The following ARHGAP23 variants were observed in gnomAD, a reference collection of about 807,000 sequenced individuals.
The protein encoded by ARHGAP23 is Rho GTPase activating protein 23, also known as rho GTPase-activating protein 23.
ARHGAP23 carries 34 observed loss-of-function variants against 136.3 expected under a neutral mutation model. The ratio of observed to expected loss-of-function variants is 0.25; its 90% CI spans 0.19 to 0.33. The LOEUF (loss-of-function observed/expected upper bound fraction) is 0.33. Among genes scored for constraint, ARHGAP23 ranks in the 10% least tolerant of loss-of-function variants. The pLI, the probability that ARHGAP23 is intolerant of heterozygous loss-of-function variation, is 1.00. For synonymous variants in ARHGAP23, 832 were observed against 920.5 expected (o/e 0.90, Z 1.74); for missense variants, 1,808 against 2,139.0 (o/e 0.85, Z 3.05).
In ARHGAP23 at chr17:38,469,613, C is replaced by T. The variant is rs1478689591; in HGVS notation, c.1894C>T (p.Arg632Cys). The T allele has an allele frequency of 2.2e-5, 34 of 1,548,688 alleles. No homozygotes were observed. The highest frequency in any genetic ancestry group is 2.8e-5 in the Non-Finnish European group (32 of 1,146,734). The change falls in exon 9 of 24, where the codon CGC (arginine) becomes TGC (cysteine). Residue 632 changes from arginine to cysteine, a missense_variant. Physicochemically the swap from Arg to Cys is radical, Grantham distance 180 (BLOSUM62 -3). This residue lies in a region of ARHGAP23 where 859 missense variants were observed against 936.4 expected (regional missense o/e 0.92). Transcript: ENST00000622683. ...CTGCGATGATGGACTCAACACCTTC[C>T]GCGACGAGGGCCGGGTTCTGCGGTG... The part of the protein sequence containing the change: ...KSCDDGLNTF[R>C]DEGRVLRRLP...
At chr17:38,479,206 G>A (rs2039972034) in intron 12 of ARHGAP23, among the ~76,000 whole-genome samples, 1 of 152,168 alleles carries the variant, frequency 6.6e-6, no homozygotes, top group South Asian at 2.1e-4. Flanking sequence ...TTCCCTGTTA[G>A]CCCCCCATGT....
intron 1 of ARHGAP23, among the ~76,000 whole-genome samples, chr17:38,443,621 G>C (rs932880243): frequency 1.4e-5 from 2 of 140,174 alleles, no homozygotes; most frequent in African/African-American, 5.2e-5. Flanking sequence ...GAGTGGTTCA[G>C]TTCATAGGCA....
chr17:38,501,917 A>G (rs1177810964), intron 23 of ARHGAP23, among the ~76,000 whole-genome samples: 1 of 150,922 alleles, frequency 6.6e-6, no homozygotes, highest in Non-Finnish European at 1.5e-5. Context: ...TTAAATATTG[A>G]TATATTTAAA....
At position 38,508,918 on chromosome 17, in the gene ARHGAP23, G is replaced by A. The variant is rs117738253; in HGVS notation, c.3448-1026G>A. Among the ~76,000 whole-genome samples, 53 of 152,134 alleles carry A rather than the reference G, an allele frequency of 3.5e-4. No individual in the cohort carries two copies. In the East Asian group the frequency reaches 7.4e-3, roughly 21 times the overall value. ...GCTCAAGTGAGTGTGGTGTTGGACA[G>A]GGAGGCCTGGATAGCAGCGCTGCTT... is the stretch of plus-strand genomic sequence containing the variant. On this transcript the variant is annotated intron_variant, in intron 23 of 23. Transcript: ENST00000622683.
chr17:38,496,535 C>T (rs374218479), intron 20 of ARHGAP23, among the ~76,000 whole-genome samples: 4 of 152,088 alleles, frequency 2.6e-5, no homozygotes, highest in African/African-American at 7.2e-5. Context: ...TGGAGCTTGC[C>T]GAAGGTCATC....
intron 12 of ARHGAP23, among the ~76,000 whole-genome samples, 197 bp downstream of exon 12, chr17:38,478,093 G>A (rs1382000072): frequency 2.0e-5 from 3 of 152,202 alleles, no homozygotes; most frequent in East Asian, 1.9e-4. Flanking sequence ...GGGACCTGGC[G>A]TCCTCAGGTG....
intron 11 of ARHGAP23, among the ~76,000 whole-genome samples, chr17:38,473,400 T>C (rs188823141): frequency 2.2e-4 from 33 of 152,202 alleles, no homozygotes; most frequent in South Asian, 1.0e-3. Flanking sequence ...TTACCTTCCC[T>C]GAGCCTCACT....
At position 38,459,123 on chromosome 17, in the gene ARHGAP23, C is replaced by T. The variant is rs141309819; in HGVS notation, c.225+860C>T. Among the ~76,000 whole-genome samples, 244 of 152,300 alleles carry T rather than the reference C, an allele frequency of 1.6e-3. 1 individual carries two copies. The highest frequency in any genetic ancestry group is 5.5e-3 in the African/African-American group (228 of 41,562). ...CACTTCTTTTCCAGCAGGGAGGAGACACTGATTTTGCAGTGAATGAACCCC... is the reference window on the plus strand; with the variant it reads ...CACTTCTTTTCCAGCAGGGAGGAGATACTGATTTTGCAGTGAATGAACCCC... On this transcript the variant is annotated intron_variant, in intron 2 of 23. Coordinates refer to ENST00000622683, the MANE Select transcript of ARHGAP23 (RefSeq NM_001199417.2).
intron 1 of ARHGAP23, among the ~76,000 whole-genome samples, chr17:38,421,316 C>G (rs1474753338): frequency 6.6e-6 from 1 of 152,210 alleles, no homozygotes; most frequent in African/African-American, 2.4e-5. Context: ...ACACCTCTGC[C>G]AAGCACAGCA....
intron 19 of ARHGAP23, 135 bp downstream of exon 19, chr17:38,490,686 C>T: frequency 2.8e-6 from 2 of 715,152 alleles, no homozygotes; most frequent in Non-Finnish European, 5.0e-6. Flanking sequence ...TATGACTGCT[C>T]CGTCCCCACC....
chr17:38,456,079 C>T (rs912069134), intron 1 of ARHGAP23, among the ~76,000 whole-genome samples: 12 of 152,326 alleles, frequency 7.9e-5, no homozygotes, highest in Admixed American at 5.9e-4. Context: ...CAGTCTAGAA[C>T]GGTCTGTCTC....
intron 1 of ARHGAP23, among the ~76,000 whole-genome samples, chr17:38,448,058 T>G (rs1407248402): frequency 6.6e-6 from 1 of 152,192 alleles, no homozygotes; most frequent in Non-Finnish European, 1.5e-5. Context: ...GGCCCCATCC[T>G]GGGGTCTCAT....
At chr17:38,467,758 A>C (rs190409192) in intron 7 of ARHGAP23, among the ~76,000 whole-genome samples, 149 of 148,310 alleles carry the variant, frequency 1.0e-3, no homozygotes, top group African/African-American at 3.5e-3. Flanking sequence ...TTGTTCATTC[A>C]TTTGTTCCAT....
At chr17:38,509,881 G>A (rs1166714429) in intron 23 of ARHGAP23, 63 bp from the exon 24 acceptor site, 2 of 1,192,752 alleles carry the variant, frequency 1.7e-6, no homozygotes, top group East Asian at 6.4e-5. Flanking sequence ...GGACCGGGTA[G>A]AGCGGGGTCG....
chr17:38,460,335 T>C (rs930171122), intron 2 of ARHGAP23, among the ~76,000 whole-genome samples: 3 of 152,128 alleles, frequency 2.0e-5, no homozygotes, highest in African/African-American at 4.8e-5. Context: ...AGCCTGAGTA[T>C]TGTCACTTGC....
chr17:38,460,997 G>T (rs1332792436), intron 3 of ARHGAP23, 65 bp downstream of exon 3: 1 of 1,524,256 alleles, frequency 6.6e-7, no homozygotes, highest in East Asian at 2.5e-5. Context: ...GTCTCTCCCT[G>T]TCCTCCCCTA....
intron 23 of ARHGAP23, among the ~76,000 whole-genome samples, chr17:38,506,149 G>A (rs1379021926): frequency 1.3e-5 from 2 of 152,202 alleles, no homozygotes; most frequent in Admixed American, 6.5e-5. Flanking sequence ...TGATTCCTAA[G>A]TTTAAAGTAT....
chr17:38,495,694 C>T (rs1372784212), intron 20 of ARHGAP23, among the ~76,000 whole-genome samples: 1 of 152,208 alleles, frequency 6.6e-6, no homozygotes, highest in African/African-American at 2.4e-5. Flanking sequence ...CTTGTTTCCC[C>T]TCTTCATTCC....
intron 10 of ARHGAP23, among the ~76,000 whole-genome samples, chr17:38,470,177 C>T (rs1318574800): frequency 6.6e-6 from 1 of 152,242 alleles, no homozygotes; most frequent in Non-Finnish European, 1.5e-5. Flanking sequence ...TGACTCACTT[C>T]TCCCCTGTCT....
Sources: allele counts gnomAD v4.1 joint callset (sites outside exome capture counted in the v4.1 genomes callset), GRCh38; gene constraint gnomAD v4.1.1; regional missense constraint gnomAD v4.1.1; transcripts MANE v1.5; gene names NCBI Gene and HGNC (gene_info 2026-07-23, HGNC 2026-07-21).